The following SPATA6L variants were observed in gnomAD, a reference collection of about 807,000 sequenced individuals.
The protein encoded by SPATA6L is spermatogenesis associated 6 like.
In SPATA6L, 68 loss-of-function variants were observed where a neutral mutation model predicts 49.2. That is an observed-to-expected ratio of 1.38 (90% CI 1.14 to 1.69). The LOEUF (loss-of-function observed/expected upper bound fraction) is 1.69, where lower values mean the gene tolerates loss of function less well. SPATA6L is among the 40% of genes most tolerant of loss of function. SPATA6L has a pLI of 0.00. For missense variants in SPATA6L, 668 were observed against 464.3 expected, an observed-to-expected ratio of 1.44 and a Z score of -4.03; for synonymous variants, 198 against 165.7, an observed-to-expected ratio of 1.19 and a Z score of -1.50.
At chr9:4,651,583 A>C (rs1285523110) in intron 3 of SPATA6L, among the ~76,000 whole-genome samples, 2 of 152,230 alleles carry the variant, frequency 1.3e-5, no homozygotes, top group East Asian at 3.8e-4. Context: ...TGTAAATCCC[A>C]AAATCCTCAA....
Position 4,618,116 on chromosome 9 carries a change from T to C in SPATA6L, c.808-6A>G, listed in dbSNP as rs1036284862. On this transcript the variant is annotated splice_region_variant and splice_polypyrimidine_tract_variant and intron_variant, in intron 8 of 11. Transcript: ENST00000682582. ...TCATCTGGCTCTTTGATAACCTGAG[T>C]GACAATATGCATTATTTAGTTGTAA... The C allele has an allele frequency of 3.8e-6, 6 of 1,597,318 alleles. No individual in the cohort carries two copies. Among genetic ancestry groups the C allele is most frequent in the Non-Finnish European group, 5.1e-6 (6 of 1,169,968 alleles).
intron 11 of SPATA6L, among the ~76,000 whole-genome samples, chr9:4,602,370 C>T (rs1319920679): frequency 6.6e-6 from 1 of 152,086 alleles, no homozygotes; most frequent in South Asian, 2.1e-4. Context: ...TTTAATCTAG[C>T]AAGCAGAACG....
chr9:4,601,617 A>G (rs1398607126), intron 11 of SPATA6L, among the ~76,000 whole-genome samples: 1 of 152,124 alleles, frequency 6.6e-6, no homozygotes. Context: ...CTACTTTTTC[A>G]TCTCCCTGAG....
chr9:4,663,486 A>G (rs1433834562), intron 1 of SPATA6L: 8 of 525,690 alleles, frequency 1.5e-5, no homozygotes, highest in Non-Finnish European at 2.4e-5. Flanking sequence ...AAAATCCTCT[A>G]TTGTATATTT....
intron 4 of SPATA6L, among the ~76,000 whole-genome samples, chr9:4,632,551 G>A (rs1466927967): frequency 3.3e-5 from 5 of 149,818 alleles, no homozygotes; most frequent in African/African-American, 5.0e-5. Context: ...AGCCGAGATC[G>A]CTGCACTGCA....
At chr9:4,608,904 C>A (rs1380644034) in intron 9 of SPATA6L, among the ~76,000 whole-genome samples, 1 of 151,744 alleles carries the variant, frequency 6.6e-6, no homozygotes, top group Admixed American at 6.6e-5. Flanking sequence ...ACTAGCAAGA[C>A]TAATAAAGAA....
Position 4,605,429 on chromosome 9 carries a change from C to A in SPATA6L, c.1007G>T (p.Gly336Val). 1.2e-6 allele frequency: 2 copies of A among 1,613,752 alleles called. No individual in the cohort carries two copies. The highest frequency in any genetic ancestry group is 1.7e-6 in the Non-Finnish European group (2 of 1,179,742). Residue 336 changes from glycine to valine, a missense_variant, in exon 10 of 12, where the codon GGT (glycine) becomes GTT (valine). Transcript: ENST00000682582. The stretch of plus-strand genomic sequence containing the variant: ...GATATTCTTCCATGTGGACTGAGAA[C>A]CAGGATGGAACCTGCTCAACAGATG... ...QPLLRERFHP[G>V]SQSTWKNIHE...
Position 4,606,147 on chromosome 9 carries a change from T to C in SPATA6L, c.996-707A>G, listed in dbSNP as rs192490503. Among the ~76,000 whole-genome samples the C allele has an allele frequency of 1.2e-3, 179 of 152,048 alleles. 4 individuals are homozygous for C. In the East Asian group the frequency reaches 0.031, roughly 27 times the overall value. On this transcript the variant is annotated intron_variant, in intron 9 of 11. Coordinates refer to ENST00000682582, the MANE Select transcript of SPATA6L (RefSeq NM_001353486.2). ...ACCACCCACCTGGCTCGGAGGGTCC[T>C]ACGCCCACGGAGTCTCGCTGATTGC...
chr9:4,641,077 T>C (rs1833930554), intron 3 of SPATA6L, among the ~76,000 whole-genome samples: 2 of 152,320 alleles, frequency 1.3e-5, no homozygotes, highest in South Asian at 4.1e-4. Flanking sequence ...TGTGTATATA[T>C]GTTGAAAATA....
In SPATA6L at chr9:4,625,449, G is replaced by A; in HGVS notation, c.547C>T (p.Gln183Ter). 6.2e-7 allele frequency: 1 copy of A among 1,614,114 alleles called. No homozygotes were observed. The highest frequency in any genetic ancestry group is 2.2e-5 in the East Asian group (1 of 44,880). ...NNLNRLPKGM[Q>*]ARAPSQYSTR... Reference sequence around the variant, plus strand: ...GAATATTGAGAGGGCGCCCGGGCTTGCATGCCTTTGGGCAGTCTGTTGAGA... The same window carrying A: ...GAATATTGAGAGGGCGCCCGGGCTTACATGCCTTTGGGCAGTCTGTTGAGA... Residue 183 changes from glutamine (Q) to a stop codon, truncating the protein, a stop_gained, in exon 6 of 12, where the codon CAA becomes TAA. Coordinates refer to ENST00000682582, the MANE Select transcript of SPATA6L (RefSeq NM_001353486.2). LOFTEE classifies it high-confidence loss of function.
intron 1 of SPATA6L, among the ~76,000 whole-genome samples, 186 bp downstream of exon 1, chr9:4,666,026 G>A (rs1047416517): frequency 6.6e-6 from 1 of 151,578 alleles, no homozygotes; most frequent in Non-Finnish European, 1.5e-5. Context: ...AACAGGTGGA[G>A]CTGAATTAAA....
At chr9:4,592,722 GT>G (rs1372337862) in intron 13 of SPATA6L, among the ~76,000 whole-genome samples, 17 of 152,258 alleles carry the variant, frequency 1.1e-4, no homozygotes, top group African/African-American at 4.1e-4. Context: ...ATACTGCATT[GT>G]ATACTTACAA....
intron 3 of SPATA6L, among the ~76,000 whole-genome samples, chr9:4,637,165 G>T (rs1424124525): frequency 6.6e-6 from 1 of 152,026 alleles, no homozygotes; most frequent in African/African-American, 2.4e-5. Context: ...ATCGTTCCCT[G>T]TCATCCCTTA....
At chr9:4,612,806 T>G (rs1265752350) in intron 9 of SPATA6L, among the ~76,000 whole-genome samples, 1 of 152,166 alleles carries the variant, frequency 6.6e-6, no homozygotes, top group Non-Finnish European at 1.5e-5. Flanking sequence ...CATTCATCCA[T>G]CCATTAATAT....
At chr9:4,607,038 G>A (rs1234514620) in intron 9 of SPATA6L, among the ~76,000 whole-genome samples, 1 of 150,614 alleles carries the variant, frequency 6.6e-6, no homozygotes, top group African/African-American at 2.5e-5. Flanking sequence ...GGAAGAAAGG[G>A]TATCAGCGAT....
Position 4,635,580 on chromosome 9 carries a change from T to C in SPATA6L, c.227-181A>G, listed in dbSNP as rs962289000. Among the ~76,000 whole-genome samples, 4 of 152,196 alleles carry C rather than the reference T, an allele frequency of 2.6e-5. No individual in the cohort carries two copies. The South Asian group carries it at 8.3e-4, about 32-fold the overall frequency. ...ACTTTTTATCTCGTGGATAATTTTT[T>C]AAAGCCTTCCAAAGTCATAACAGAG... is the stretch of plus-strand genomic sequence containing the variant. On this transcript the variant is annotated intron_variant, in intron 3 of 11. Coordinates refer to ENST00000682582, the MANE Select transcript of SPATA6L (RefSeq NM_001353486.2).
chr9:4,652,975 T>C (rs1401183055), intron 3 of SPATA6L, among the ~76,000 whole-genome samples: 1 of 152,208 alleles, frequency 6.6e-6, no homozygotes, highest in Admixed American at 6.5e-5. Context: ...ATGGAATCCC[T>C]GTCAATATCC....
rs1840119522 is a variant in SPATA6L, at chr9:4,662,650, T to A, written c.40-614A>T. The A allele has an allele frequency of 1.3e-6, 2 of 1,599,696 alleles. No homozygotes were observed. Among genetic ancestry groups the A allele is most frequent in the Non-Finnish European group, 1.7e-6 (2 of 1,179,776 alleles). Reference sequence around the variant, plus strand: ...CCTCCGCTGCCCGAGGAGGACCGCATGGACTTGAACCCGTCCTTCCTGGGC... The same window carrying A: ...CCTCCGCTGCCCGAGGAGGACCGCAAGGACTTGAACCCGTCCTTCCTGGGC... On this transcript the variant is annotated intron_variant, in intron 1 of 11. Transcript: ENST00000682582. The surrounding 1 kb of genome is among the most constrained non-coding windows in gnomAD (Gnocchi z 4.9).
At chr9:4,622,993 AGCTAGGCCG>A (rs567600825) in intron 6 of SPATA6L, among the ~76,000 whole-genome samples, 1 of 152,180 alleles carries the variant, frequency 6.6e-6, no homozygotes, top group South Asian at 2.1e-4. Context: ...GAATAAGGGT[AGCTAGGCCG>A]GGTACAGTGG....
Sources: allele counts gnomAD v4.1 joint callset (sites outside exome capture counted in the v4.1 genomes callset), GRCh38; gene constraint gnomAD v4.1.1; non-coding constraint Gnocchi (gnomAD v3.1); transcripts MANE v1.5; gene names NCBI Gene and HGNC (gene_info 2026-07-23, HGNC 2026-07-21).